PNPLA4: variants seen among roughly 807,000 people sequenced by gnomAD.
The protein encoded by PNPLA4 is patatin-like phospholipase domain-containing protein 4.
In PNPLA4, 15 loss-of-function variants were observed where a neutral mutation model predicts 18.3. The observed-to-expected ratio is 0.82, with a 90% CI of 0.55 to 1.26. PNPLA4 has a LOEUF of 1.26. Ranked by LOEUF, PNPLA4 falls within the 50% of genes most tolerant of loss-of-function variation. The probability of loss-of-function intolerance (pLI) is 0.00; values close to 1 mark genes in which losing one functional copy is unlikely to be tolerated. For missense variants in PNPLA4, 229 were observed against 196.8 expected, an observed-to-expected ratio of 1.16 and a Z score of -0.98; for synonymous variants, 88 against 85.6, an observed-to-expected ratio of 1.03 and a Z score of -0.16.
chrX:7,923,121 A>G (rs1662195750), intron 2 of PNPLA4, among the ~76,000 whole-genome samples: 1 of 112,451 alleles, frequency 8.9e-6, no homozygotes, highest in African/African-American at 3.2e-5. Flanking sequence ...CTCTCCCCAC[A>G]AAGATGTCCA....
intron 5 of PNPLA4, among the ~76,000 whole-genome samples, chrX:7,908,747 A>T (rs918824866): frequency 1.8e-5 from 2 of 112,020 alleles, no homozygotes; most frequent in Non-Finnish European, 3.8e-5. Flanking sequence ...TCAACTCTAC[A>T]AGTAATTATT....
chrX:7,922,315 T>C, intron 2 of PNPLA4, among the ~76,000 whole-genome samples: 1 of 112,332 alleles, frequency 8.9e-6, no homozygotes, highest in Admixed American at 9.4e-5. Context: ...TGTTTTTTCC[T>C]TTGTAAAGCA....
chrX:7,925,046 T>G (rs1307003561), intron 2 of PNPLA4, among the ~76,000 whole-genome samples: 1 of 112,224 alleles, frequency 8.9e-6, no homozygotes, highest in Non-Finnish European at 1.9e-5. Context: ...ATCTCTGCAG[T>G]TTTTAAATCA....
chrX:7,922,982 A>G (rs1457601048), intron 2 of PNPLA4, among the ~76,000 whole-genome samples: 1 of 112,263 alleles, frequency 8.9e-6, no homozygotes, highest in Admixed American at 9.4e-5. Context: ...TTTAGTGCAA[A>G]AAATAAATAA....
intron 5 of PNPLA4, among the ~76,000 whole-genome samples, chrX:7,903,376 T>A (rs1452089246): frequency 9.1e-6 from 1 of 110,315 alleles, no homozygotes; most frequent in African/African-American, 3.3e-5. Context: ...CTCAGCTCAC[T>A]GCAAGCTCCG....
intron 4 of PNPLA4, among the ~76,000 whole-genome samples, chrX:7,921,456 A>G (rs1924211144): frequency 8.9e-6 from 1 of 111,981 alleles, no homozygotes; most frequent in Non-Finnish European, 1.9e-5. Flanking sequence ...TCACATAATC[A>G]ACGTGAGATC....
intron 5 of PNPLA4, among the ~76,000 whole-genome samples, chrX:7,907,720 T>C (rs1169913478): frequency 1.8e-5 from 2 of 110,191 alleles, no homozygotes; most frequent in Non-Finnish European, 3.8e-5. Context: ...AGCAGTTTTC[T>C]TTCTTTCTTT....
chrX:7,905,061 T>C (rs1923664303), intron 5 of PNPLA4, among the ~76,000 whole-genome samples: 1 of 112,442 alleles, frequency 8.9e-6, no homozygotes, highest in African/African-American at 3.2e-5. Context: ...CTAAATGTGT[T>C]CCACATTCAA....
intron 4 of PNPLA4, among the ~76,000 whole-genome samples, chrX:7,915,204 G>A (rs1924002391): frequency 9.4e-6 from 1 of 106,671 alleles, no homozygotes; most frequent in African/African-American, 3.4e-5. Flanking sequence ...AATTCACCTC[G>A]CCAATGAACC....
chrX:7,900,909 T>A (rs1923511778), intron 6 of PNPLA4, 92 bp from the exon 7 acceptor site: 2 of 719,946 alleles, frequency 2.8e-6, no homozygotes, highest in African/African-American at 4.4e-5. Context: ...TTATCACAGA[T>A]ACAATTAGCA....
intron 3 of PNPLA4, 56 bp downstream of exon 3, chrX:7,921,946 CAG>C: frequency 2.7e-6 from 3 of 1,127,328 alleles, no homozygotes; most frequent in Non-Finnish European, 2.4e-6. Flanking sequence ...AAAGTTTGTA[CAG>C]AGAGTCGTCA....
intron 5 of PNPLA4, among the ~76,000 whole-genome samples, chrX:7,911,757 G>A (rs1457257148): frequency 4.6e-5 from 5 of 109,595 alleles, no homozygotes; most frequent in Non-Finnish European, 9.5e-5. Context: ...TTACTAGGTG[G>A]AAAAAAAATC....
chrX:7,902,138 A>T lies in PNPLA4; in HGVS notation c.481T>A (p.Trp161Arg), dbSNP rs373030613. ...LKLVEYKGQKWVDGGLTNALP... is the reference protein window; with the variant it reads ...LKLVEYKGQKRVDGGLTNALP... ...GCGTTGGTGAGGCCTCCGTCCACCC[A>T]CTTCTGTGGAAAGAAACATCTCACG... is the stretch of plus-strand genomic sequence containing the variant. Residue 161 changes from tryptophan (W) to arginine (R), a missense_variant, in exon 6 of 7, where the codon TGG becomes AGG. Trp to Arg is a moderately radical substitution (Grantham distance 101). Transcript: ENST00000381042. 3.7e-4 allele frequency: 441 copies of T among 1,195,497 alleles called. No homozygotes were observed. The highest frequency in any genetic ancestry group is 4.7e-4 in the Non-Finnish European group (417 of 889,386).
In PNPLA4 at chrX:7,898,577, A is replaced by G. The variant is rs1265739892; in HGVS notation, c.*2109T>C. The stretch of plus-strand genomic sequence containing the variant: ...CAGCCCCGGAGAGCGCCTAGTGTGC[A>G]CCAAGTATGTGTTTCATTACACCGC... On this transcript the variant is annotated 3_prime_UTR_variant, in exon 7 of 7. Coordinates refer to ENST00000381042, the MANE Select transcript of PNPLA4 (RefSeq NM_004650.3). The G allele has an allele frequency of 8.9e-6, 1 of 111,846 alleles. No homozygotes were observed. Among genetic ancestry groups the G allele is most frequent in the Non-Finnish European group, 1.9e-5 (1 of 53,179 alleles). The allele number at this position is 111,846 out of a possible 1,213,427, so 9.2% of individuals were successfully genotyped here.
At chrX:7,911,716 C>A (rs1923882441) in intron 5 of PNPLA4, among the ~76,000 whole-genome samples, 1 of 110,484 alleles carries the variant, frequency 9.1e-6, no homozygotes, top group Admixed American at 9.7e-5. Flanking sequence ...GGTGGTACAA[C>A]TCTGCTTAGA....
Position 7,900,736 on chromosome X carries a change from CA to C in PNPLA4, c.711del (p.Cys237TrpfsTer24). The C allele has an allele frequency of 8.4e-7, 1 of 1,186,048 alleles. No individual in the cohort carries two copies. Among genetic ancestry groups the C allele is most frequent in the Non-Finnish European group, 1.1e-6 (1 of 874,530 alleles). On this transcript the variant is annotated frameshift_variant, in exon 7 of 7. Coordinates refer to ENST00000381042, the MANE Select transcript of PNPLA4 (RefSeq NM_004650.3). ...AAAAACTTAACAGTGTCATCAAAAC[CA>C]CACTGATACAAAGATTCCATTTTCC... is the stretch of plus-strand genomic sequence containing the variant. ...SKRKMESLYQ[C>X]GFDDTVKFLL...
chrX:7,921,923 T>G, intron 3 of PNPLA4, 75 bp from the exon 4 acceptor site: 1 of 1,119,033 alleles, frequency 8.9e-7, no homozygotes, highest in Non-Finnish European at 1.2e-6. Context: ...CAAGAGAGAA[T>G]GCTGAGCTTG....
intron 5 of PNPLA4, among the ~76,000 whole-genome samples, chrX:7,903,692 A>C (rs980627130): frequency 5.8e-4 from 65 of 112,162 alleles, no homozygotes; most frequent in Non-Finnish European, 1.1e-3. Flanking sequence ...AAAGGAAATA[A>C]AAGTAAATAA....
intron 4 of PNPLA4, among the ~76,000 whole-genome samples, chrX:7,914,446 C>T (rs1043656049): frequency 6.3e-5 from 7 of 111,781 alleles, no homozygotes; most frequent in African/African-American, 2.3e-4. Flanking sequence ...AAGGTAACTG[C>T]ATTCACCCTA....
Sources: allele counts gnomAD v4.1 joint callset (sites outside exome capture counted in the v4.1 genomes callset), GRCh38; gene constraint gnomAD v4.1.1; transcripts MANE v1.5; gene names NCBI Gene and HGNC (gene_info 2026-07-23, HGNC 2026-07-21).